The following ANAPC7 variants were observed in gnomAD, a reference collection of about 807,000 sequenced individuals.
The protein encoded by ANAPC7 is anaphase-promoting complex subunit 7.
A neutral mutation model predicts 63.3 loss-of-function variants in ANAPC7; 25 were observed. That is an observed-to-expected ratio of 0.39 (90% CI 0.29 to 0.55). The LOEUF (loss-of-function observed/expected upper bound fraction) is 0.55. Ranked by LOEUF, ANAPC7 falls within the 20% of genes least tolerant of loss-of-function variation. The pLI is 0.57. For synonymous variants in ANAPC7, 241 were observed against 251.7 expected (o/e 0.96, Z 0.40); for missense variants, 516 against 691.7 (o/e 0.75, Z 2.85).
chr12:110,376,950 A>G (rs1390380849), intron 9 of ANAPC7, among the ~76,000 whole-genome samples: 2 of 151,582 alleles, frequency 1.3e-5, no homozygotes, highest in African/African-American at 4.8e-5. Context: ...GTGAAACCCC[A>G]TCTCTACTAT....
chr12:110,396,507 C>T, intron 1 of ANAPC7, 55 bp from the exon 2 acceptor site: 1 of 1,397,430 alleles, frequency 7.2e-7, no homozygotes, highest in Non-Finnish European at 9.6e-7. Context: ...ATCCAAGCTC[C>T]CCCAGCTTCT....
At chr12:110,382,036 T>A (rs1234964533) in intron 7 of ANAPC7, 88 bp from the exon 8 acceptor site, 1 of 1,254,606 alleles carries the variant, frequency 8.0e-7, no homozygotes, top group Non-Finnish European at 1.1e-6. Context: ...AAAATCATAT[T>A]GAAGGCCCTG....
chr12:110,381,954 GAAAAAA>G lies in ANAPC7; in HGVS notation c.936-12_936-7del. On this transcript the variant is annotated splice_polypyrimidine_tract_variant and splice_region_variant and intron_variant, in intron 7 of 10. Transcript: ENST00000455511. ...TGCTATAGAAGCTGTGACAGCTGGA[GAAAAAA>G]AAAAAAAAAAAAACACAAAAACCCC... 1.9e-4 allele frequency: 185 copies of G among 974,892 alleles called. No individual in the cohort carries two copies. Among genetic ancestry groups the G allele is most frequent in the East Asian group, 4.0e-4 (10 of 24,846 alleles). 60.4% of individuals were successfully genotyped at this position (974,892 alleles called of 1,614,324 possible).
In ANAPC7 at chr12:110,383,108, A is replaced by G. The variant is rs1217388806; in HGVS notation, c.818-148T>C. The G allele has an allele frequency of 5.0e-6, 3 of 594,358 alleles. No homozygotes were observed. The African/African-American group carries it at 5.5e-5, about 11-fold the overall frequency. The allele number at this position is 594,358 out of a possible 1,614,324, so 36.8% of individuals were successfully genotyped here. A position where few individuals can be genotyped will look rare whatever the true frequency, so the allele number is the denominator to read the frequency against. Reference sequence around the variant, plus strand: ...CTTTCCACCATCACAGGCTCCTCCAACTACTATTTCCAGTTTCCTACAAAG... The same window carrying G: ...CTTTCCACCATCACAGGCTCCTCCAGCTACTATTTCCAGTTTCCTACAAAG... On this transcript the variant is annotated intron_variant, in intron 6 of 10. Coordinates refer to ENST00000455511, the MANE Select transcript of ANAPC7 (RefSeq NM_016238.3).
chr12:110,377,620 G>GA lies in ANAPC7; in HGVS notation c.1133-4dup, dbSNP rs1398441174. ...GGCTAAGTAACATTCGATAAGACCTGAAAAAAGTAAAACACGTGAAGACAT... is the reference window on the plus strand; with the variant it reads ...GGCTAAGTAACATTCGATAAGACCTGAAAAAAAGTAAAACACGTGAAGACAT... On this transcript the variant is annotated splice_polypyrimidine_tract_variant and splice_region_variant and intron_variant, in intron 8 of 10. Transcript: ENST00000455511. 1.2e-6 allele frequency: 2 copies of GA among 1,614,102 alleles called. No individual in the cohort carries two copies. The highest frequency in any genetic ancestry group is 4.5e-5 in the East Asian group (2 of 44,886).
At chr12:110,391,869 C>T (rs926883243) in intron 3 of ANAPC7, among the ~76,000 whole-genome samples, 5 of 151,856 alleles carry the variant, frequency 3.3e-5, no homozygotes, top group Admixed American at 1.3e-4. Context: ...CCAAGGCAGG[C>T]GGATCACCTA....
chr12:110,382,878 G>A lies in ANAPC7; in HGVS notation c.900C>T (p.Ile300=), dbSNP rs1255580025. 1.2e-6 allele frequency: 2 copies of A among 1,613,974 alleles called. No individual in the cohort carries two copies. Among genetic ancestry groups the A allele is most frequent in the African/African-American group, 1.3e-5 (1 of 75,028 alleles). ...VENLGCRLFN[I]SDQHAEPWVV... ...CCCACGGTTCTGCATGCTGATCAGA[G>A]ATATTGAAAAGGCGGCATCCAAGGT... is the stretch of plus-strand genomic sequence containing the variant. Residue 300 remains isoleucine (I), a synonymous_variant, in exon 7 of 11, where the codon ATC becomes ATT. Coordinates refer to ENST00000455511, the MANE Select transcript of ANAPC7 (RefSeq NM_016238.3).
chr12:110,400,288 G>A (rs1276943692), intron 1 of ANAPC7, among the ~76,000 whole-genome samples: 3 of 152,176 alleles, frequency 2.0e-5, no homozygotes, highest in Non-Finnish European at 2.9e-5. Flanking sequence ...AGTTATCTCT[G>A]TAATGACACA....
intron 8 of ANAPC7, chr12:110,377,822 A>G (rs2137919597): frequency 7.0e-7 from 1 of 1,424,388 alleles, no homozygotes; most frequent in Middle Eastern, 1.9e-4. Flanking sequence ...TGGATGTAGA[A>G]AAAGACTGCC....
intron 8 of ANAPC7, among the ~76,000 whole-genome samples, chr12:110,379,579 T>C (rs982477974): frequency 6.6e-6 from 1 of 152,188 alleles, no homozygotes; most frequent in African/African-American, 2.4e-5. Flanking sequence ...CTGAAATCAA[T>C]GGTTGGTTTG....
chr12:110,387,687 TC>T, intron 5 of ANAPC7, 51 bp downstream of exon 5: 1 of 1,564,308 alleles, frequency 6.4e-7, no homozygotes, highest in Non-Finnish European at 8.7e-7. Context: ...ACATCAGACT[TC>T]CAGACAAGCA....
Position 110,395,203 on chromosome 12 carries a change from A to G in ANAPC7, c.306T>C (p.Ile102=). ...ATTCAGCCATTTTGTATTTCACTTC[A>G]ATTTCAGATGGAAGACACTAAAAGA... ...TPQSQCLPSE[I]EVKYKMAECY... The change falls in exon 3 of 11, where the codon ATT becomes ATC. Residue 102 remains isoleucine, a synonymous_variant. Coordinates refer to ENST00000455511, the MANE Select transcript of ANAPC7 (RefSeq NM_016238.3). The G allele has an allele frequency of 3.7e-6, 6 of 1,612,106 alleles. No individual in the cohort carries two copies. The highest frequency in any genetic ancestry group is 5.1e-6 in the Non-Finnish European group (6 of 1,179,318).
In ANAPC7 at chr12:110,396,363, C is replaced by T. The variant is rs1327897615; in HGVS notation, c.191G>A (p.Ser64Asn). 1 of 1,613,744 alleles carries T rather than the reference C, an allele frequency of 6.2e-7. No homozygotes were observed. The highest frequency in any genetic ancestry group is 1.3e-5 in the African/African-American group (1 of 74,890). The change falls in exon 2 of 11, where the codon AGT (serine) becomes AAT (asparagine). Residue 64 changes from serine (S) to asparagine (N), a missense_variant. This residue lies in a region of ANAPC7 where 185 missense variants were observed against 200.3 expected (regional missense o/e 0.92). Coordinates refer to ENST00000455511, the MANE Select transcript of ANAPC7 (RefSeq NM_016238.3). ...CTGCTGTAAAGCCATGGTATACTTA[C>T]TCACAGCATTCCGATATTCCTTATC... ...FHDKEYRNAV[S>N]KYTMALQQKK...
At chr12:110,375,343 T>G in intron 10 of ANAPC7, 41 of 849,538 alleles carry the variant, frequency 4.8e-5, no homozygotes, top group Non-Finnish European at 5.5e-5. Flanking sequence ...CAGTTGTCAC[T>G]GAGATGCTAG....
chr12:110,375,453 C>G (rs1239841613), intron 10 of ANAPC7: 51 of 985,234 alleles, frequency 5.2e-5, no homozygotes, highest in Non-Finnish European at 6.0e-5. Flanking sequence ...ACAGACAACC[C>G]TCAAAGAAAC....
chr12:110,401,341 G>A (rs1446893550), intron 1 of ANAPC7, among the ~76,000 whole-genome samples: 15 of 152,154 alleles, frequency 9.9e-5, no homozygotes, highest in Admixed American at 5.9e-4. Flanking sequence ...ACCTCCCTGA[G>A]GTTGTACTCA....
chr12:110,375,039 C>T (rs911226264), intron 10 of ANAPC7, among the ~76,000 whole-genome samples: 2 of 152,190 alleles, frequency 1.3e-5, no homozygotes, highest in African/African-American at 4.8e-5. Context: ...GCAAACCCCA[C>T]CTCTAATGGA....
At chr12:110,374,872 T>TAC (rs1255013350) in intron 10 of ANAPC7, among the ~76,000 whole-genome samples, 1 of 152,106 alleles carries the variant, frequency 6.6e-6, no homozygotes, top group Non-Finnish European at 1.5e-5. Context: ...AGGCTACCCC[T>TAC]ACCCAAGCAT....
At chr12:110,376,030 C>T (rs1881233858) in intron 10 of ANAPC7, 36 bp downstream of exon 10, 1 of 1,593,140 alleles carries the variant, frequency 6.3e-7, no homozygotes, top group Non-Finnish European at 8.6e-7. Context: ...CTCTACCCTC[C>T]TCAGTGGCCT....
Sources: allele counts gnomAD v4.1 joint callset (sites outside exome capture counted in the v4.1 genomes callset), GRCh38; gene constraint gnomAD v4.1.1; regional missense constraint gnomAD v4.1.1; transcripts MANE v1.5; gene names NCBI Gene and HGNC (gene_info 2026-07-23, HGNC 2026-07-21).